SUOX: variants seen among roughly 807,000 people sequenced by gnomAD.
The protein encoded by SUOX is sulfite oxidase.
In SUOX, 39 loss-of-function variants were observed where a neutral mutation model predicts 41.9. The observed-to-expected ratio is 0.93, with a 90% confidence interval of 0.72 to 1.21. SUOX has a LOEUF of 1.21. SUOX is among the 50% of genes most tolerant of loss of function. SUOX has a pLI of 0.00. For missense variants in SUOX, 633 were observed against 689.5 expected (o/e 0.92, Z 0.92); for synonymous variants, 220 against 268.4 (o/e 0.82, Z 1.76).
Position 56,002,803 on chromosome 12 carries a change from G to A in SUOX, c.228+83G>A, listed in dbSNP as rs1265955015. 3.2e-6 allele frequency: 5 copies of A among 1,550,566 alleles called. No homozygotes were observed. In the African/African-American group the frequency reaches 5.4e-5, roughly 17 times the overall value. ...TTATCCCAGCACTATAGGAGGCCAA[G>A]GTGGGTGGGTCACTTGAGGTTAGGA... is the stretch of plus-strand genomic sequence containing the variant. On this transcript the variant is annotated intron_variant, in intron 4 of 4. Coordinates refer to ENST00000266971, the MANE Select transcript of SUOX (RefSeq NM_001032386.2).
At chr12:56,002,095 GCC>G in intron 2 of SUOX, 115 bp from the exon 3 acceptor site, 1 of 1,509,110 alleles carries the variant, frequency 6.6e-7, no homozygotes, top group Admixed American at 1.9e-5. Flanking sequence ...CTCCTCACTT[GCC>G]CAGAAAGCTC....
chr12:56,002,866 C>A, intron 4 of SUOX, 146 bp downstream of exon 4: 1 of 860,668 alleles, frequency 1.2e-6, no homozygotes, highest in Non-Finnish European at 1.8e-6. Context: ...AAAACCCCAT[C>A]TCTAGTAAAA....
rs1890617082 is a variant in SUOX at position 56,003,683 on chromosome 12, T to A, written c.294T>A (p.Thr98=). ...EEVSSHTSPE[T]GIWVTLGSEV... is the part of the protein sequence containing the mutation. ...TGAGTTCCCACACCAGCCCTGAGAC[T>A]GGGATCTGGGTGACTCTGGGCTCTG... The change falls in exon 5 of 5, where the codon ACT becomes ACA. Residue 98 remains threonine (T), a synonymous_variant. Coordinates refer to ENST00000266971, the MANE Select transcript of SUOX (RefSeq NM_001032386.2). The A allele has an allele frequency of 1.2e-6, 2 of 1,613,594 alleles. No homozygotes were observed. Among genetic ancestry groups the A allele is most frequent in the South Asian group, 2.2e-5 (2 of 91,046 alleles).
At chr12:55,998,311 C>T (rs1890381860) in intron 2 of SUOX, among the ~76,000 whole-genome samples, 1 of 147,318 alleles carries the variant, frequency 6.8e-6, no homozygotes, top group African/African-American at 2.5e-5. Flanking sequence ...TTTGTGAGAC[C>T]AAGTTTGAAG....
intron 2 of SUOX, among the ~76,000 whole-genome samples, chr12:55,998,279 A>G (rs181194405): frequency 4.9e-4 from 74 of 151,972 alleles, no homozygotes; most frequent in African/African-American, 1.7e-3. Context: ...GTGGTGGCTC[A>G]TGCCTGTAAT....
chr12:56,000,908 G>C (rs1056351993), intron 2 of SUOX, among the ~76,000 whole-genome samples: 2 of 150,110 alleles, frequency 1.3e-5, no homozygotes, highest in Non-Finnish European at 3.0e-5. Flanking sequence ...TGTCTCCGGA[G>C]TAGCAGGGAC....
At chr12:56,001,974 T>C in intron 2 of SUOX, 3 of 1,387,382 alleles carry the variant, frequency 2.2e-6, no homozygotes, top group Non-Finnish European at 2.8e-6. Context: ...GAAGCACCCA[T>C]CCCTCCTACC....
At chr12:56,000,647 G>A (rs562381506) in intron 2 of SUOX, among the ~76,000 whole-genome samples, 3 of 152,380 alleles carry the variant, frequency 2.0e-5, no homozygotes, top group South Asian at 4.1e-4. Context: ...GGGAGCCCAG[G>A]CAGAGGAGGC....
intron 1 of SUOX, 41 bp from the exon 2 acceptor site, chr12:55,997,574 G>A (rs1335381900): frequency 6.6e-6 from 1 of 152,150 alleles, no homozygotes; most frequent in African/African-American, 2.4e-5. Context: ...GGGAGTGAGG[G>A]GTCATCACCT....
chr12:56,000,983 C>T (rs796474457), intron 2 of SUOX, among the ~76,000 whole-genome samples: 15 of 151,928 alleles, frequency 9.9e-5, no homozygotes, highest in East Asian at 1.9e-4. Flanking sequence ...GATGAGGTTT[C>T]GCCGCGTTAG....
rs141516739 is a variant in SUOX at position 56,001,655 on chromosome 12, C to T, written c.-10-557C>T. 4.9e-3 allele frequency: 862 copies of T among 174,514 alleles called. 5 individuals carry two copies. The highest frequency in any genetic ancestry group is 8.1e-3 in the Admixed American group (149 of 18,338). 10.8% of individuals were successfully genotyped at this position (174,514 alleles called of 1,614,324 possible). ...CAGAGATGAGGAAGCAAGTTCAGAA[C>T]GGCTTGGAATCTTGCTCAGGAAATC... On this transcript the variant is annotated intron_variant, in intron 2 of 4. Coordinates refer to ENST00000266971, the MANE Select transcript of SUOX (RefSeq NM_001032386.2).
intron 2 of SUOX, among the ~76,000 whole-genome samples, chr12:56,000,259 T>C (rs996348229): frequency 2.0e-5 from 3 of 152,190 alleles, no homozygotes; most frequent in Non-Finnish European, 4.4e-5. Flanking sequence ...GGCTCAGGCA[T>C]GGCGGGCTGC....
rs1890595360 is a variant in SUOX, at chr12:56,003,160, G to A, written c.228+440G>A. 2.7e-5 allele frequency: 7 copies of A among 256,762 alleles called. No homozygotes were observed. The South Asian group carries it at 3.5e-4, about 13-fold the overall frequency. 15.9% of individuals were successfully genotyped at this position (256,762 alleles called of 1,614,324 possible). A position where few individuals can be genotyped will look rare whatever the true frequency, so the allele number is the denominator to read the frequency against. ...AGTGACGCAGTCTTCATGCACAGTG[G>A]AGATGAAATCTGCTAATCTGCTACC... On this transcript the variant is annotated intron_variant, in intron 4 of 4. Transcript: ENST00000266971.
intron 1 of SUOX, 96 bp from the exon 2 acceptor site, chr12:55,997,519 T>G (rs1890350722): frequency 6.6e-6 from 1 of 152,252 alleles, no homozygotes; most frequent in Admixed American, 6.5e-5. Context: ...CAAGACCCTT[T>G]TGTGCCTGGA....
chr12:55,997,947 C>T (rs541702097), intron 2 of SUOX, among the ~76,000 whole-genome samples: 102 of 152,254 alleles, frequency 6.7e-4, no homozygotes, highest in African/African-American at 2.4e-3. Context: ...ACTTGCAGGG[C>T]AGAGAGCAGA....
chr12:56,004,846 G>A lies in SUOX; in HGVS notation c.1457G>A (p.Trp486Ter). The change falls in exon 5 of 5, where the codon TGG becomes TAG. Residue 486 changes from tryptophan (W) to a stop codon, truncating the protein, a stop_gained. Coordinates refer to ENST00000266971, the MANE Select transcript of SUOX (RefSeq NM_001032386.2). LOFTEE classifies it high-confidence loss of function. The surrounding 1 kb of genome is among the most constrained non-coding windows in gnomAD (Gnocchi z 4.5). ...GAGGAACAGCGCCCCAGGAAGGCCTGGGCATGGCGTCTGTGGCAGTTGAAA... is the reference window on the plus strand; with the variant it reads ...GAGGAACAGCGCCCCAGGAAGGCCTAGGCATGGCGTCTGTGGCAGTTGAAA... ...DGEEQRPRKAWAWRLWQLKAP... is the reference protein window; with the variant it reads ...DGEEQRPRKA 2 of 1,614,172 alleles carry A rather than the reference G, an allele frequency of 1.2e-6. No individual in the cohort carries two copies. The highest frequency in any genetic ancestry group is 1.1e-5 in the South Asian group (1 of 91,082).
At chr12:56,002,872 T>A in intron 4 of SUOX, 152 bp downstream of exon 4, 1 of 791,674 alleles carries the variant, frequency 1.3e-6, no homozygotes, top group Non-Finnish European at 2.0e-6. Flanking sequence ...CCATCTCTAG[T>A]AAAAATTAGC....
At chr12:56,000,904 C>T (rs1304394941) in intron 2 of SUOX, among the ~76,000 whole-genome samples, 3 of 151,024 alleles carry the variant, frequency 2.0e-5, no homozygotes, top group Non-Finnish European at 4.4e-5. Context: ...CTCCTGTCTC[C>T]GGAGTAGCAG....
intron 2 of SUOX, chr12:56,001,883 T>C (rs1890543479): frequency 8.2e-7 from 1 of 1,219,532 alleles, no homozygotes; most frequent in Non-Finnish European, 1.0e-6. Flanking sequence ...TTCGGTCCTT[T>C]AGGCCCTTCG....
Sources: gnomAD v4.1 joint callset for allele counts (sites outside exome capture counted in the v4.1 genomes callset) on GRCh38, gnomAD v4.1.1 for gene constraint, Gnocchi (gnomAD v3.1) non-coding constraint, MANE v1.5 for transcripts, NCBI Gene and HGNC (gene_info 2026-07-23, HGNC 2026-07-21) for gene names.